FN1: variants seen among roughly 807,000 people sequenced by gnomAD.
FN1 encodes the protein fibronectin.
A neutral mutation model predicts 297.3 loss-of-function variants in FN1; 106 were observed. That is an observed-to-expected ratio of 0.36 (90% CI 0.30 to 0.42). The LOEUF is 0.42. FN1 is among the 10% of genes least tolerant of loss of function. The pLI is 1.00. For synonymous variants in FN1, 1,149 were observed against 1,152.6 expected, an observed-to-expected ratio of 1.00 and a Z score of 0.06; for missense variants, 2,690 against 3,124.9, an observed-to-expected ratio of 0.86 and a Z score of 3.32.
chr2:215,408,224 C>T (rs368670726), intron 16 of FN1, 27 bp from the exon 17 acceptor site: 1 of 1,612,644 alleles, frequency 6.2e-7, no homozygotes, highest in Non-Finnish European at 8.5e-7. Context: ...GTGGGGCAAA[C>T]AGTCAGGAAG....
At chr2:215,404,303 TTTTTG>T (rs748247130) in intron 20 of FN1, 81 bp downstream of exon 20, 126 of 1,333,530 alleles carry the variant, frequency 9.4e-5, no homozygotes, top group Non-Finnish European at 1.1e-4. Flanking sequence ...TTTAATGTTT[TTTTTG>T]TTTTGTTTTG....
At chr2:215,420,981 T>A (rs2064232213) in intron 10 of FN1, 180 bp from the exon 11 acceptor site, 2 of 656,758 alleles carry the variant, frequency 3.0e-6, no homozygotes, top group East Asian at 3.0e-5. Flanking sequence ...TAATACAATT[T>A]TTGCCAAAAA....
chr2:215,386,659 C>T, intron 28 of FN1, 30 bp downstream of exon 28: 9 of 1,517,798 alleles, frequency 5.9e-6, no homozygotes, highest in Non-Finnish European at 7.1e-6. Context: ...GGAAAGTCTT[C>T]TGAGTTTCTT....
At position 215,376,659 on chromosome 2, in the gene FN1, C is replaced by T; in HGVS notation, c.5726G>A (p.Arg1909Lys). The T allele has an allele frequency of 6.2e-7, 1 of 1,613,972 alleles. No individual in the cohort carries two copies. Among genetic ancestry groups the T allele is most frequent in the South Asian group, 1.1e-5 (1 of 91,060 alleles). ...AGTAGCATCTGTCACACGAGCCCTT[C>T]TTGGTGGGCTGACATCTGCACAGGA... Reference protein sequence around the residue: ...VTTLENVSPPRRARVTDATET... With the variant: ...VTTLENVSPPKRARVTDATET... Residue 1909 changes from arginine (R) to lysine (K), a missense_variant, in exon 36 of 46, where the codon AGA becomes AAA. Physicochemically the swap from Arg to Lys is conservative, Grantham distance 26 (BLOSUM62 2). Transcript: ENST00000354785.
chr2:215,426,397 C>T (rs980112059), intron 6 of FN1, among the ~76,000 whole-genome samples: 1 of 151,856 alleles, frequency 6.6e-6, no homozygotes, highest in Admixed American at 6.6e-5. Flanking sequence ...ATCCACCCGC[C>T]TTGGCCTCCC....
At position 215,407,251 on chromosome 2, in the gene FN1, G is replaced by A; in HGVS notation, c.2589C>T (p.Asn863=). ...GTTGCAAGTCACTGAGGGTGACGGA[G>A]TTTGCAGTTTCAGGAAGGTTGAGTT... ...STELNLPETA[N]SVTLSDLQPG... Residue 863 remains asparagine, a synonymous_variant, in exon 18 of 46, where the codon AAC becomes AAT. Coordinates refer to ENST00000354785, the MANE Select transcript of FN1 (RefSeq NM_212482.4). The A allele has an allele frequency of 1.2e-6, 2 of 1,614,144 alleles. No homozygotes were observed. Among genetic ancestry groups the A allele is most frequent in the Non-Finnish European group, 1.7e-6 (2 of 1,179,970 alleles).
chr2:215,367,453 G>A (rs1385029835), intron 42 of FN1, among the ~76,000 whole-genome samples: 4 of 152,180 alleles, frequency 2.6e-5, no homozygotes, highest in African/African-American at 9.7e-5. Context: ...TATGTTGAAG[G>A]AGGCTGTTTT....
At chr2:215,386,642 C>G (rs756830801) in intron 28 of FN1, 47 bp downstream of exon 28, 13 of 1,341,742 alleles carry the variant, frequency 9.7e-6, no homozygotes, top group Non-Finnish European at 1.2e-5. Context: ...AATCTACCAA[C>G]TGGGTAGGAA....
At position 215,361,281 on chromosome 2, in the gene FN1, A is replaced by C. The variant is rs2053396806; in HGVS notation, c.*274T>G. 2.5e-6 allele frequency: 1 copy of C among 398,588 alleles called. No individual in the cohort carries two copies. Among genetic ancestry groups the C allele is most frequent in the Non-Finnish European group, 4.6e-6 (1 of 216,952 alleles). The allele number at this position is 398,588 out of a possible 1,614,324, so 24.7% of individuals were successfully genotyped here. On this transcript the variant is annotated 3_prime_UTR_variant, in exon 46 of 46. Transcript: ENST00000354785. ...ATGCTTTCCTATTGATCCCAAACCA[A>C]ATCTTAGAATCACTTCATTTAAAAT... is the stretch of plus-strand genomic sequence containing the variant.
intron 33 of FN1, 58 bp from the exon 34 acceptor site, chr2:215,379,375 T>C (rs2057863211): frequency 1.3e-6 from 2 of 1,495,066 alleles, no homozygotes; most frequent in Non-Finnish European, 9.3e-7. Flanking sequence ...AAAAGGAAAA[T>C]AAAGTGAGTT....
rs142199852 is a variant in FN1 at position 215,367,259 on chromosome 2, T to C, written c.7018+604A>G. 2.4e-3 allele frequency among the ~76,000 whole-genome samples: 373 copies of C among 152,328 alleles called. 1 individual carries two copies. The highest frequency in any genetic ancestry group is 8.5e-3 in the African/African-American group (352 of 41,574). ...CCTAGGCACATTTTAACTTAAAAAA[T>C]TTGAAAATTAAAACGTATTAGAATT... On this transcript the variant is annotated intron_variant, in intron 42 of 45. Coordinates refer to ENST00000354785, the MANE Select transcript of FN1 (RefSeq NM_212482.4).
rs1169688568 is a variant in FN1 at position 215,388,260 on chromosome 2, CACTGGAGA to C, written c.4286_4293del (p.Val1429GlyfsTer6). On this transcript the variant is annotated frameshift_variant, in exon 27 of 46. Coordinates refer to ENST00000354785, the MANE Select transcript of FN1 (RefSeq NM_212482.4). LOFTEE classifies it high-confidence loss of function. Reference sequence around the variant, plus strand: ...GGTGTGCTCTCATGTTGTTCGTAGACACTGGAGACACTCACTACATATTCTGTACCAGG... The same window carrying C: ...GGTGTGCTCTCATGTTGTTCGTAGACCACTCACTACATATTCTGTACCAGG... The C allele has an allele frequency of 6.2e-7, 1 of 1,614,036 alleles. No individual in the cohort carries two copies. Among genetic ancestry groups the C allele is most frequent in the South Asian group, 1.1e-5 (1 of 91,090 alleles).
intron 31 of FN1, 69 bp downstream of exon 31, chr2:215,383,259 C>G: frequency 6.7e-7 from 1 of 1,490,644 alleles, no homozygotes. Context: ...CTGCCCGCAT[C>G]AGCCTCCCAA....
chr2:215,406,517 G>A lies in FN1; in HGVS notation c.2714-7C>T, dbSNP rs758250284. The A allele has an allele frequency of 5.0e-6, 8 of 1,613,350 alleles. No homozygotes were observed. The highest frequency in any genetic ancestry group is 6.8e-6 in the Non-Finnish European group (8 of 1,179,860). ...CTGGGAGAGGGCACTGTATCTGACA[G>A]ACAAGAGTCAACTGGTCATTCACAT... On this transcript the variant is annotated splice_region_variant and splice_polypyrimidine_tract_variant and intron_variant, in intron 18 of 45. Transcript: ENST00000354785.
chr2:215,379,046 T>C (rs980340675), intron 34 of FN1, 84 bp downstream of exon 34: 6 of 1,140,418 alleles, frequency 5.3e-6, no homozygotes, highest in South Asian at 1.2e-5. Flanking sequence ...TTAGATTTAT[T>C]ATGATATTAT....
chr2:215,363,526 C>T (rs2053942782), intron 44 of FN1: 1 of 152,222 alleles, frequency 6.6e-6, no homozygotes, highest in African/African-American at 2.4e-5. Context: ...TGGGCTGCCC[C>T]TGGTGGAGCC....
In FN1 at chr2:215,382,328, G is replaced by A; in HGVS notation, c.5051-3C>T. The A allele has an allele frequency of 1.9e-6, 3 of 1,590,566 alleles. No individual in the cohort carries two copies. The highest frequency in any genetic ancestry group is 2.6e-6 in the Non-Finnish European group (3 of 1,158,642). The stretch of plus-strand genomic sequence containing the variant: ...TTCAATAGTCATTTCTGTTTGATCT[G>A]CAAAGGGAGTGAAAAGCAAATGCAA... On this transcript the variant is annotated splice_region_variant and splice_polypyrimidine_tract_variant and intron_variant, in intron 31 of 45. Coordinates refer to ENST00000354785, the MANE Select transcript of FN1 (RefSeq NM_212482.4).
Position 215,391,631 on chromosome 2 carries a change from C to G in FN1, c.4252+1G>C, listed in dbSNP as rs1445441483. 1 of 1,612,088 alleles carries G rather than the reference C, an allele frequency of 6.2e-7. No homozygotes were observed. The highest frequency in any genetic ancestry group is 1.1e-5 in the South Asian group (1 of 91,056). On this transcript the variant is annotated splice_donor_variant, in intron 26 of 45. Transcript: ENST00000354785. LOFTEE classifies it high-confidence loss of function. ...TGGAACAGATACATTCAACTGCTTA[C>G]TTGTTAAGACCACTGCATTGTCTGA...
Position 215,430,747 on chromosome 2 carries a change from T to G in FN1, c.653A>C (p.Glu218Ala). 5.0e-6 allele frequency: 8 copies of G among 1,614,134 alleles called. No individual in the cohort carries two copies. The highest frequency in any genetic ancestry group is 6.8e-6 in the Non-Finnish European group (8 of 1,179,974). ...AGTGCAAGTGATGCGTCCGCTGCCTTCTCCCAGGCAAGTACAATCTACCAT... is the reference window on the plus strand; with the variant it reads ...AGTGCAAGTGATGCGTCCGCTGCCTGCTCCCAGGCAAGTACAATCTACCAT... ...WMMVDCTCLG[E>A]GSGRITCTSR... The change falls in exon 5 of 46, where the codon GAA becomes GCA. Residue 218 changes from glutamate (E) to alanine (A), a missense_variant. By Grantham distance (107) the Glu-to-Ala change is moderately radical. Coordinates refer to ENST00000354785, the MANE Select transcript of FN1 (RefSeq NM_212482.4).
Sources: allele counts gnomAD v4.1 joint callset (sites outside exome capture counted in the v4.1 genomes callset), GRCh38; gene constraint gnomAD v4.1.1; transcripts MANE v1.5; gene names NCBI Gene and HGNC (gene_info 2026-07-23, HGNC 2026-07-21).